Variants in VSTM4 observed in about 807,000 individuals in gnomAD.
The protein encoded by VSTM4 is V-set and transmembrane domain-containing protein 4.
A neutral mutation model predicts 36.4 loss-of-function variants in VSTM4; 20 were observed. The observed-to-expected ratio is 0.55, with a 90% confidence interval of 0.39 to 0.80. The LOEUF is 0.80. Among genes scored for constraint, VSTM4 ranks in the 30% least tolerant of loss-of-function variants. VSTM4 has a pLI of 0.00. For synonymous variants in VSTM4, 182 were observed against 173.9 expected, an observed-to-expected ratio of 1.05 and a Z score of -0.37; for missense variants, 392 against 404.5, an observed-to-expected ratio of 0.97 and a Z score of 0.26.
chr10:49,100,643 A>G (rs1844650409), intron 2 of VSTM4, among the ~76,000 whole-genome samples: 1 of 152,174 alleles, frequency 6.6e-6, no homozygotes, highest in Non-Finnish European at 1.5e-5. Context: ...AACATTTAAA[A>G]TCATAAAGAT....
intron 7 of VSTM4, among the ~76,000 whole-genome samples, chr10:49,044,694 G>A (rs569929704): frequency 6.6e-6 from 1 of 152,276 alleles, no homozygotes; most frequent in Admixed American, 6.5e-5. Flanking sequence ...AAACAGAATA[G>A]AAGTTCTAAA....
intron 5 of VSTM4, among the ~76,000 whole-genome samples, chr10:49,059,011 G>A (rs1042805470): frequency 6.6e-6 from 1 of 152,194 alleles, no homozygotes; most frequent in Non-Finnish European, 1.5e-5. Flanking sequence ...CAACAGGGAC[G>A]GGAGGAACTG....
At chr10:49,078,208 G>A (rs1295546143) in intron 3 of VSTM4, among the ~76,000 whole-genome samples, 1 of 152,188 alleles carries the variant, frequency 6.6e-6, no homozygotes, top group Non-Finnish European at 1.5e-5. Flanking sequence ...AGACGTGGCT[G>A]GTGGGAATGT....
chr10:49,078,170 G>T (rs747248413), intron 3 of VSTM4, among the ~76,000 whole-genome samples: 1 of 152,182 alleles, frequency 6.6e-6, no homozygotes, highest in East Asian at 1.9e-4. Context: ...CCAAATGCTG[G>T]CAAGGATACA....
At chr10:49,020,813 C>A (rs1843172679) in intron 7 of VSTM4, among the ~76,000 whole-genome samples, 1 of 151,514 alleles carries the variant, frequency 6.6e-6, no homozygotes, top group South Asian at 2.1e-4. Context: ...GAGAGGATAT[C>A]ATTTATTAAT....
intron 2 of VSTM4, among the ~76,000 whole-genome samples, chr10:49,105,678 G>A (rs983577761): frequency 6.6e-6 from 1 of 152,164 alleles, no homozygotes; most frequent in Admixed American, 6.5e-5. Context: ...TAACCAACAA[G>A]CTAAATGACT....
intron 5 of VSTM4, chr10:49,064,343 T>C (rs1051158819): frequency 9.3e-5 from 24 of 257,946 alleles, no homozygotes; most frequent in Non-Finnish European, 2.2e-5. Context: ...ATACAGTAAG[T>C]CAGCATTGGT....
intron 5 of VSTM4, among the ~76,000 whole-genome samples, chr10:49,063,595 T>C (rs1219709451): frequency 6.6e-6 from 1 of 152,240 alleles, no homozygotes; most frequent in Non-Finnish European, 1.5e-5. Flanking sequence ...GGCATTTTCA[T>C]TTTCAGAGAC....
chr10:49,061,006 A>C (rs372327936), intron 5 of VSTM4, among the ~76,000 whole-genome samples: 8 of 152,332 alleles, frequency 5.3e-5, no homozygotes, highest in African/African-American at 1.9e-4. Context: ...ACTCTCAATT[A>C]TGCTACATTG....
At chr10:49,094,697 T>C (rs796915360) in intron 2 of VSTM4, among the ~76,000 whole-genome samples, 1 of 152,290 alleles carries the variant, frequency 6.6e-6, no homozygotes, top group African/African-American at 2.4e-5. Flanking sequence ...TATTCAACAA[T>C]GGATGAGATG....
At chr10:49,030,408 A>G (rs2254409) in intron 7 of VSTM4, among the ~76,000 whole-genome samples, 101,690 of 152,006 alleles carry the variant, frequency 0.67, 35,947 homozygotes, top group Non-Finnish European at 0.8. Flanking sequence ...GAGGCACCAA[A>G]CGCCCCACCT....
At chr10:49,047,132 G>A (rs1449416135) in intron 6 of VSTM4, 88 bp from the exon 7 acceptor site, 4 of 1,336,300 alleles carry the variant, frequency 3.0e-6, no homozygotes, top group Non-Finnish European at 4.3e-6. Flanking sequence ...CATATTCTGA[G>A]AGGTCTCATA....
intron 2 of VSTM4, among the ~76,000 whole-genome samples, chr10:49,096,668 T>TGTGTGTGTGTGTGTG (rs1564593231): frequency 1.9e-4 from 28 of 147,244 alleles, no homozygotes; most frequent in African/African-American, 6.3e-4. Flanking sequence ...TGTGTGTGTG[T>TGTGTGTGTGTGTGTG]TTTGAGACGG....
intron 7 of VSTM4, among the ~76,000 whole-genome samples, chr10:49,036,669 G>A (rs1843435726): frequency 6.6e-6 from 1 of 152,170 alleles, no homozygotes. Context: ...GTCCTTTTCT[G>A]CTACTGATAA....
At chr10:49,058,985 C>T (rs756088910) in intron 5 of VSTM4, among the ~76,000 whole-genome samples, 9 of 152,212 alleles carry the variant, frequency 5.9e-5, no homozygotes, top group Non-Finnish European at 1.2e-4. Context: ...GTGCTGGGAC[C>T]TGGGAGCTAC....
At chr10:49,022,378 G>A (rs1412668609) in intron 7 of VSTM4, among the ~76,000 whole-genome samples, 2 of 152,044 alleles carry the variant, frequency 1.3e-5, no homozygotes, top group Admixed American at 6.5e-5. Flanking sequence ...TTCAATTTAA[G>A]TTTCTTAAAA....
At chr10:49,112,115 C>T (rs1438491190) in intron 1 of VSTM4, among the ~76,000 whole-genome samples, 3 of 152,194 alleles carry the variant, frequency 2.0e-5, no homozygotes, top group Admixed American at 6.5e-5. Context: ...CCCTTGCCAA[C>T]ACATGATCCT....
At chr10:49,064,359 G>T (rs1386599390) in intron 5 of VSTM4, 2 of 298,522 alleles carry the variant, frequency 6.7e-6, no homozygotes, top group South Asian at 4.2e-5. Context: ...TTGGTGAAGA[G>T]AATTGGGGGT....
chr10:49,055,502 C>T (rs917400203), intron 5 of VSTM4, among the ~76,000 whole-genome samples: 2 of 152,152 alleles, frequency 1.3e-5, no homozygotes, highest in East Asian at 1.9e-4. Context: ...CAATTCGTTG[C>T]CATCTTTTAA....
Sources: allele counts gnomAD v4.1 joint callset (sites outside exome capture counted in the v4.1 genomes callset), GRCh38; gene constraint gnomAD v4.1.1; transcripts MANE v1.5; gene names NCBI Gene and HGNC (gene_info 2026-07-23, HGNC 2026-07-21).